ABCF2: variants seen among roughly 807,000 people sequenced by gnomAD.
ABCF2 encodes the protein ATP-binding cassette sub-family F member 2.
A neutral mutation model predicts 76.9 loss-of-function variants in ABCF2; 37 were observed. The ratio of observed to expected loss-of-function variants is 0.48; its 90% CI spans 0.37 to 0.63. The LOEUF (loss-of-function observed/expected upper bound fraction) is 0.63. Among genes scored for constraint, ABCF2 ranks in the 30% least tolerant of loss-of-function variants. The pLI, the probability that ABCF2 is intolerant of heterozygous loss-of-function variation, is 0.00. For missense variants in ABCF2, 524 were observed against 782.1 expected, an observed-to-expected ratio of 0.67 and a Z score of 3.94; for synonymous variants, 299 against 283.7, an observed-to-expected ratio of 1.05 and a Z score of -0.54.
Position 151,226,407 on chromosome 7 carries a change from T to A in ABCF2, c.52A>T (p.Lys18Ter). The A allele has an allele frequency of 1.2e-6, 2 of 1,614,216 alleles. No individual in the cohort carries two copies. Among genetic ancestry groups the A allele is most frequent in the Non-Finnish European group, 1.7e-6 (2 of 1,180,034 alleles). The change falls in exon 2 of 15, where the codon AAA (lysine) becomes TAA (stop). Residue 18 changes from lysine (K) to a stop codon, truncating the protein, a stop_gained. Coordinates refer to ENST00000287844, the MANE Select transcript of ABCF2 (RefSeq NM_007189.3). LOFTEE classifies it high-confidence loss of function. ...KKAAKKKEAA[K>*]ARQRPRKGHE... ...CCTTTTCTGGGCCGCTGTCGAGCTT[T>A]GGCAGCCTCCTTCTTTTTGGCTGCC...
intron 3 of ABCF2, among the ~76,000 whole-genome samples, chr7:151,224,551 A>G (rs1415240422): frequency 6.6e-6 from 1 of 152,244 alleles, no homozygotes; most frequent in Non-Finnish European, 1.5e-5. Context: ...CAAATATTCC[A>G]AGATCCGAAA....
chr7:151,217,452 C>A (rs932159906), intron 11 of ABCF2, among the ~76,000 whole-genome samples: 4 of 152,208 alleles, frequency 2.6e-5, no homozygotes, highest in African/African-American at 4.8e-5. Context: ...TACTTGAGAA[C>A]CTGCAGCATC....
In ABCF2 at chr7:151,212,215, A is replaced by G. The variant is rs34129956; in HGVS notation, c.*1839T>C. ...CTGTGTCTTCCCATAGGGATGGCTG[A>G]TTTCAGAGGCAGAGTGATGAATCCA... On this transcript the variant is annotated 3_prime_UTR_variant, in exon 15 of 15. Coordinates refer to ENST00000287844, the MANE Select transcript of ABCF2 (RefSeq NM_007189.3). 0.097 allele frequency: 96,037 copies of G among 985,218 alleles called. 4,979 individuals carry two copies. The highest frequency in any genetic ancestry group is 0.11 in the Admixed American group (1,855 of 16,286). 61.0% of individuals were successfully genotyped at this position (985,218 alleles called of 1,614,324 possible). A position where few individuals can be genotyped will look rare whatever the true frequency, so the allele number is the denominator to read the frequency against.
At chr7:151,220,424 A>G (rs187221949) in intron 7 of ABCF2, among the ~76,000 whole-genome samples, 213 of 152,206 alleles carry the variant, frequency 1.4e-3, no homozygotes, top group Non-Finnish European at 1.8e-3. Context: ...ATTGTATAAA[A>G]AGAAAAAGAT....
At chr7:151,218,938 G>A in intron 8 of ABCF2, 65 bp from the exon 9 acceptor site, 1 of 1,609,158 alleles carries the variant, frequency 6.2e-7, no homozygotes, top group Non-Finnish European at 8.5e-7. Flanking sequence ...TCAATCCAGG[G>A]TAAAAATGTT....
At chr7:151,217,128 T>C (rs899231723) in intron 11 of ABCF2, among the ~76,000 whole-genome samples, 1 of 152,204 alleles carries the variant, frequency 6.6e-6, no homozygotes, top group African/African-American at 2.4e-5. Flanking sequence ...CATTCTATCA[T>C]TTTCCAACCT....
Position 151,213,763 on chromosome 7 carries a change from C to G in ABCF2, c.*291G>C. On this transcript the variant is annotated 3_prime_UTR_variant, in exon 15 of 15. Coordinates refer to ENST00000287844, the MANE Select transcript of ABCF2 (RefSeq NM_007189.3). ...CCCCTGGGCTAACCCGCAGGTGCCT[C>G]TGACTGCATCACACTCAGAGTAAGA... The G allele has an allele frequency of 8.5e-7, 1 of 1,182,404 alleles. No homozygotes were observed. Among genetic ancestry groups the G allele is most frequent in the African/African-American group, 1.6e-5 (1 of 62,396 alleles). 73.2% of individuals were successfully genotyped at this position (1,182,404 alleles called of 1,614,324 possible). A position where few individuals can be genotyped will look rare whatever the true frequency, so the allele number is the denominator to read the frequency against.
intron 6 of ABCF2, 52 bp downstream of exon 6, chr7:151,222,469 A>T: frequency 6.9e-7 from 1 of 1,451,006 alleles, no homozygotes; most frequent in Non-Finnish European, 9.7e-7. Context: ...TCCATTTTCT[A>T]GATTCCCCCT....
At position 151,212,430 on chromosome 7, in the gene ABCF2, C is replaced by T. The variant is rs1048770053; in HGVS notation, c.*1624G>A. The T allele has an allele frequency of 5.1e-6, 5 of 985,340 alleles. No homozygotes were observed. In the African/African-American group the frequency reaches 8.7e-5, roughly 17 times the overall value. The allele number at this position is 985,340 out of a possible 1,614,324, so 61.0% of individuals were successfully genotyped here. A position where few individuals can be genotyped will look rare whatever the true frequency, so the allele number is the denominator to read the frequency against. ...AGACGTTGGTGTGAAAATGCAAACT[C>T]CTGGCCATCTCTGCACCTCTCTCAT... is the stretch of plus-strand genomic sequence containing the variant. On this transcript the variant is annotated 3_prime_UTR_variant, in exon 15 of 15. Coordinates refer to ENST00000287844, the MANE Select transcript of ABCF2 (RefSeq NM_007189.3).
In ABCF2 at chr7:151,219,061, T is replaced by C; in HGVS notation, c.1017+3A>G. On this transcript the variant is annotated splice_donor_region_variant and intron_variant, in intron 8 of 14. Transcript: ENST00000287844. The stretch of plus-strand genomic sequence containing the variant: ...CATGAGCCTGACTCTGCAGTCTCCC[T>C]ACCTTCATGTGTGCAATCTGATCTT... 6.2e-7 allele frequency: 1 copy of C among 1,613,962 alleles called. No individual in the cohort carries two copies. Among genetic ancestry groups the C allele is most frequent in the South Asian group, 1.1e-5 (1 of 91,082 alleles).
chr7:151,214,237 T>A lies in ABCF2; in HGVS notation c.1735-46A>T. ...TTAATCCTGGGCTAGTCACTGTCCCTGCCTCTGCCCAGCAGACTGTCCTGA... is the reference window on the plus strand; with the variant it reads ...TTAATCCTGGGCTAGTCACTGTCCCAGCCTCTGCCCAGCAGACTGTCCTGA... On this transcript the variant is annotated intron_variant, in intron 14 of 14. Transcript: ENST00000287844. The surrounding 1 kb of genome is among the most constrained non-coding windows in gnomAD (Gnocchi z 4.9). 6.2e-7 allele frequency: 1 copy of A among 1,613,884 alleles called. No homozygotes were observed.
At position 151,215,520 on chromosome 7, in the gene ABCF2, A is replaced by G; in HGVS notation, c.1530+84T>C. On this transcript the variant is annotated intron_variant, in intron 13 of 14. Coordinates refer to ENST00000287844, the MANE Select transcript of ABCF2 (RefSeq NM_007189.3). This position sits in a 1 kb window ranked among gnomAD's most constrained non-coding sequence, Gnocchi z 4.6. The stretch of plus-strand genomic sequence containing the variant: ...TCTGGTTTGGACAGCTTCCAAACCC[A>G]GGCTGCCAGGACAGTATCCCCTGAC... 3 of 1,552,828 alleles carry G rather than the reference A, an allele frequency of 1.9e-6. No homozygotes were observed. The highest frequency in any genetic ancestry group is 2.6e-6 in the Non-Finnish European group (3 of 1,142,312).
Position 151,212,055 on chromosome 7 carries a change from A to G in ABCF2, c.*1999T>C. 1.1e-6 allele frequency: 1 copy of G among 939,316 alleles called. No homozygotes were observed. Among genetic ancestry groups the G allele is most frequent in the East Asian group, 1.2e-4 (1 of 8,582 alleles). 58.2% of individuals were successfully genotyped at this position (939,316 alleles called of 1,614,324 possible). ...TCTCCTATCTAAATCACAATTTAGCATCTAATTTGTGTCCTGTATGGTTCT... is the reference window on the plus strand; with the variant it reads ...TCTCCTATCTAAATCACAATTTAGCGTCTAATTTGTGTCCTGTATGGTTCT... On this transcript the variant is annotated 3_prime_UTR_variant, in exon 15 of 15. Transcript: ENST00000287844.
chr7:151,218,241 G>A (rs1349248983), intron 10 of ABCF2, 50 bp from the exon 11 acceptor site: 1 of 1,307,764 alleles, frequency 7.6e-7, no homozygotes, highest in Admixed American at 1.7e-5. Context: ...ATACAGATCT[G>A]CTATGACCAG....
At position 151,211,836 on chromosome 7, in the gene ABCF2, T is replaced by C; in HGVS notation, c.*2218A>G. On this transcript the variant is annotated 3_prime_UTR_variant, in exon 15 of 15. Coordinates refer to ENST00000287844, the MANE Select transcript of ABCF2 (RefSeq NM_007189.3). ...GCATAAAGCAGTCAAGCCAGTACCC[T>C]CTGGGGTCAGAGGACTCCCATCTGT... The C allele has an allele frequency of 1.0e-6, 1 of 985,412 alleles. No individual in the cohort carries two copies. The highest frequency in any genetic ancestry group is 1.1e-4 in the East Asian group (1 of 8,810). The allele number at this position is 985,412 out of a possible 1,614,324, so 61.0% of individuals were successfully genotyped here. A position where few individuals can be genotyped will look rare whatever the true frequency, so the allele number is the denominator to read the frequency against.
At chr7:151,225,035 G>T in intron 2 of ABCF2, 47 bp from the exon 3 acceptor site, 2 of 1,560,948 alleles carry the variant, frequency 1.3e-6, no homozygotes, top group Non-Finnish European at 8.8e-7. Context: ...GACAGACTCG[G>T]CTCTCCACAA....
intron 3 of ABCF2, among the ~76,000 whole-genome samples, chr7:151,224,469 A>C (rs1486538904): frequency 2.6e-5 from 4 of 152,208 alleles, no homozygotes; most frequent in Non-Finnish European, 5.9e-5. Context: ...TGCTCACATG[A>C]TGCTTAAAGG....
chr7:151,218,404 G>A (rs928517295), intron 10 of ABCF2, among the ~76,000 whole-genome samples, 157 bp downstream of exon 10: 4 of 152,002 alleles, frequency 2.6e-5, no homozygotes, highest in Non-Finnish European at 1.5e-5. Context: ...AAAGGCCCGC[G>A]AGCAGCCTTG....
chr7:151,226,296 T>C lies in ABCF2; in HGVS notation c.154+9A>G, dbSNP rs1197926161. 6.2e-6 allele frequency: 10 copies of C among 1,612,266 alleles called. No individual in the cohort carries two copies. The Admixed American group carries it at 1.5e-4, about 24-fold the overall frequency. On this transcript the variant is annotated intron_variant, in intron 2 of 14. Coordinates refer to ENST00000287844, the MANE Select transcript of ABCF2 (RefSeq NM_007189.3). The stretch of plus-strand genomic sequence containing the variant: ...CAACCATCCCCAACTCACCCCTCCC[T>C]CAATTCACCTGTGGTCTCTCTGCCA...
Sources: allele counts gnomAD v4.1 joint callset (sites outside exome capture counted in the v4.1 genomes callset), GRCh38; gene constraint gnomAD v4.1.1; non-coding constraint Gnocchi (gnomAD v3.1); transcripts MANE v1.5; gene names NCBI Gene and HGNC (gene_info 2026-07-23, HGNC 2026-07-21).